Variants in VWF observed in about 807,000 individuals in gnomAD.
VWF encodes Factor VIII related antigen.
In VWF, 176 loss-of-function variants were observed where a neutral mutation model predicts 308.6. The ratio of observed to expected loss-of-function variants is 0.57; its 90% confidence interval spans 0.50 to 0.65. The LOEUF (loss-of-function observed/expected upper bound fraction) is 0.65, where lower values mean the gene tolerates loss of function less well. VWF is among the 30% of genes least tolerant of loss of function. VWF has a pLI of 0.00. For missense variants in VWF, 3,146 were observed against 3,648.2 expected, an observed-to-expected ratio of 0.86 and a Z score of 3.55; for synonymous variants, 1,385 against 1,443.4, an observed-to-expected ratio of 0.96 and a Z score of 0.92.
chr12:5,992,430 C>T (rs553780118), intron 37 of VWF, among the ~76,000 whole-genome samples: 1 of 152,306 alleles, frequency 6.6e-6, no homozygotes, highest in Admixed American at 6.5e-5. Flanking sequence ...AAGAAAAAGA[C>T]CACACCCAAC....
At chr12:5,964,823 T>A (rs912093178) in intron 47 of VWF, among the ~76,000 whole-genome samples, 1 of 152,012 alleles carries the variant, frequency 6.6e-6, no homozygotes, top group African/African-American at 2.4e-5. Context: ...TGGAGGGCAG[T>A]TATGCGAGAA....
In VWF at chr12:6,031,447, C is replaced by G. The variant is rs1231594847; in HGVS notation, c.2817G>C (p.Gly939=). The stretch of plus-strand genomic sequence containing the variant: ...GTGGAGATGAGGCTGCACTTACCTC[C>G]CCGTCAAACAGCTCAATCTCTCCTC... ...VEGGEIELFD[G]EVNVKRPMKD... Residue 939 remains glycine, a synonymous_variant, in exon 21 of 52, where the codon GGG becomes GGC. Coordinates refer to ENST00000261405, the MANE Select transcript of VWF (RefSeq NM_000552.5). 3 of 1,614,138 alleles carry G rather than the reference C, an allele frequency of 1.9e-6. No individual in the cohort carries two copies. The highest frequency in any genetic ancestry group is 2.5e-6 in the Non-Finnish European group (3 of 1,180,020).
intron 31 of VWF, among the ~76,000 whole-genome samples, chr12:6,015,414 C>T (rs1256591307): frequency 6.6e-6 from 1 of 151,940 alleles, no homozygotes; most frequent in Non-Finnish European, 1.5e-5. Flanking sequence ...AGGGTTCTGA[C>T]AGCACTCCTA....
intron 13 of VWF, among the ~76,000 whole-genome samples, chr12:6,059,992 G>A (rs1445617544): frequency 1.3e-5 from 2 of 151,104 alleles, no homozygotes; most frequent in African/African-American, 2.4e-5. Context: ...CCCCAAAGGC[G>A]TTTTCATTCA....
At chr12:6,079,094 C>A (rs1944875783) in intron 6 of VWF, among the ~76,000 whole-genome samples, 1 of 152,236 alleles carries the variant, frequency 6.6e-6, no homozygotes. Flanking sequence ...TCTGTCCTCC[C>A]ATTTTGTCCT....
At chr12:5,981,029 T>C (rs185044457) in intron 42 of VWF, among the ~76,000 whole-genome samples, 1 of 152,374 alleles carries the variant, frequency 6.6e-6, no homozygotes, top group Admixed American at 6.5e-5. Flanking sequence ...CACTTTATTA[T>C]ATTCAGTTTA....
intron 22 of VWF, among the ~76,000 whole-genome samples, chr12:6,028,131 G>A (rs1944216438): frequency 6.6e-6 from 1 of 152,152 alleles, no homozygotes; most frequent in Non-Finnish European, 1.5e-5. Flanking sequence ...AGTGGCTAGA[G>A]TAGCCAGAGC....
At chr12:5,996,269 C>T (rs1440698224) in intron 34 of VWF, 47 bp from the exon 35 acceptor site, 2 of 1,550,326 alleles carry the variant, frequency 1.3e-6, no homozygotes, top group Non-Finnish European at 1.8e-6. Context: ...TCCAAACCCC[C>T]ATGCCTACTA....
intron 43 of VWF, among the ~76,000 whole-genome samples, chr12:5,972,498 G>C (rs923725325): frequency 6.6e-6 from 1 of 152,186 alleles, no homozygotes; most frequent in African/African-American, 2.4e-5. Flanking sequence ...AAGAGAGAAA[G>C]AGTAACCACA....
rs1264216385 is a variant in VWF at position 5,951,847 on chromosome 12, TG to T, written c.8151del (p.Asp2717GlufsTer27). ...KIMKIPGTCC[D>X]TCEEPECNDI... ...AAGATATTAGTAACGCACTCACATG[TG>T]TCACAGCAGGTGCCTGGAATTTTCA... On this transcript the variant is annotated frameshift_variant, in exon 50 of 52. Coordinates refer to ENST00000261405, the MANE Select transcript of VWF (RefSeq NM_000552.5). LOFTEE classifies it high-confidence loss of function. The T allele has an allele frequency of 6.2e-7, 1 of 1,614,222 alleles. No homozygotes were observed. The highest frequency in any genetic ancestry group is 1.7e-5 in the Admixed American group (1 of 60,034).
intron 47 of VWF, among the ~76,000 whole-genome samples, chr12:5,966,770 T>G (rs1376532913): frequency 1.3e-5 from 2 of 152,210 alleles, no homozygotes; most frequent in African/African-American, 4.8e-5. Context: ...CAATGGCATT[T>G]TCTAAAACAG....
intron 6 of VWF, among the ~76,000 whole-genome samples, chr12:6,090,102 C>T (rs1351012971): frequency 6.6e-6 from 1 of 152,090 alleles, no homozygotes; most frequent in African/African-American, 2.4e-5. Flanking sequence ...GGACTACAGG[C>T]ACCTGCCACC....
intron 5 of VWF, among the ~76,000 whole-genome samples, chr12:6,104,269 A>G: frequency 6.6e-6 from 1 of 152,156 alleles, no homozygotes; most frequent in East Asian, 1.9e-4. Flanking sequence ...AAAAAGACAG[A>G]AAATAACAGA....
chr12:6,044,658 A>C (rs138810817), intron 17 of VWF, among the ~76,000 whole-genome samples: 3 of 152,218 alleles, frequency 2.0e-5, no homozygotes, highest in African/African-American at 4.8e-5. Context: ...TCTGGCTTAC[A>C]TTGGTGGCAG....
intron 21 of VWF, among the ~76,000 whole-genome samples, chr12:6,030,021 A>G (rs1944241042): frequency 6.6e-6 from 1 of 152,130 alleles, no homozygotes; most frequent in African/African-American, 2.4e-5. Flanking sequence ...GGAATCACAC[A>G]CTGCAGGTTC....
chr12:6,066,300 C>T (rs1323426154), intron 10 of VWF, among the ~76,000 whole-genome samples: 1 of 152,270 alleles, frequency 6.6e-6, no homozygotes, highest in African/African-American at 2.4e-5. Flanking sequence ...CAGGGCCAAA[C>T]ATGGACCCAT....
At chr12:5,958,738 A>C (rs954592938) in intron 47 of VWF, among the ~76,000 whole-genome samples, 1 of 152,194 alleles carries the variant, frequency 6.6e-6, no homozygotes, top group African/African-American at 2.4e-5. Flanking sequence ...TAGGGGAAGC[A>C]GGGAAAGGAT....
At chr12:5,951,711 A>G in intron 50 of VWF, 133 bp downstream of exon 50, 1 of 1,042,792 alleles carries the variant, frequency 9.6e-7, no homozygotes, top group Non-Finnish European at 1.5e-6. Context: ...GTCACGAAAT[A>G]TCTTTCTGAA....
At chr12:5,990,040 T>C (rs1307278290) in intron 38 of VWF, among the ~76,000 whole-genome samples, 1 of 152,246 alleles carries the variant, frequency 6.6e-6, no homozygotes, top group Non-Finnish European at 1.5e-5. Context: ...GGCAATTACT[T>C]AACTTGGCAA....
Sources: gnomAD v4.1 joint callset for allele counts (sites outside exome capture counted in the v4.1 genomes callset) on GRCh38, gnomAD v4.1.1 for gene constraint, MANE v1.5 for transcripts, NCBI Gene and HGNC (gene_info 2026-07-23, HGNC 2026-07-21) for gene names.